TBL1XR1: variants seen among roughly 807,000 people sequenced by gnomAD.
The protein encoded by TBL1XR1 is F-box-like/WD repeat-containing protein TBL1XR1.
In TBL1XR1, 5 loss-of-function variants were observed where a neutral mutation model predicts 66.9. The observed-to-expected ratio is 0.07, with a 90% CI of 0.04 to 0.16. The LOEUF (loss-of-function observed/expected upper bound fraction) is 0.16. Ranked by LOEUF, TBL1XR1 falls within the 10% of genes least tolerant of loss-of-function variation. The probability of loss-of-function intolerance (pLI) is 1.00; values close to 1 mark genes in which losing one functional copy is unlikely to be tolerated. For synonymous variants in TBL1XR1, 210 were observed against 206.0 expected, an observed-to-expected ratio of 1.02 and a Z score of -0.17; for missense variants, 238 against 623.2, an observed-to-expected ratio of 0.38 and a Z score of 6.58.
chr3:177,187,758 G>A (rs577098138), intron 1 of TBL1XR1, among the ~76,000 whole-genome samples: 1 of 151,674 alleles, frequency 6.6e-6, no homozygotes, highest in Non-Finnish European at 1.5e-5. Flanking sequence ...AACACAAAAG[G>A]TTATCAGGAA....
Position 177,123,140 on chromosome 3 carries a change from T to C in TBL1XR1, c.-121-24599A>G, listed in dbSNP as rs559581533. On this transcript the variant is annotated intron_variant, in intron 1 of 15. Coordinates refer to ENST00000457928, the MANE Select transcript of TBL1XR1 (RefSeq NM_024665.7). The stretch of plus-strand genomic sequence containing the variant: ...ACAGCAGCAATCTTTAAGTGGTCCA[T>C]TCAAAAACAGACAAAAAGAAAATCT... Among the ~76,000 whole-genome samples, 20 of 152,234 alleles carry C rather than the reference T, an allele frequency of 1.3e-4. No individual in the cohort carries two copies. In the South Asian group the frequency reaches 3.1e-3, roughly 24 times the overall value.
intron 1 of TBL1XR1, among the ~76,000 whole-genome samples, chr3:177,155,117 C>T (rs892569952): frequency 2.6e-5 from 4 of 152,122 alleles, no homozygotes; most frequent in Admixed American, 2.6e-4. Context: ...GCTAAAGCAA[C>T]ACCTTAAGGG....
intron 2 of TBL1XR1, among the ~76,000 whole-genome samples, chr3:177,095,858 C>A (rs1158627406): frequency 6.6e-6 from 1 of 152,070 alleles, no homozygotes; most frequent in Non-Finnish European, 1.5e-5. Flanking sequence ...TGTTATGAAT[C>A]CCTCATATTA....
At chr3:177,126,305 C>T (rs1560204318) in intron 1 of TBL1XR1, among the ~76,000 whole-genome samples, 1 of 152,184 alleles carries the variant, frequency 6.6e-6, no homozygotes, top group Non-Finnish European at 1.5e-5. Context: ...AAGGATCACA[C>T]TTTGAGAACT....
chr3:177,152,248 T>C (rs979587494), intron 1 of TBL1XR1, among the ~76,000 whole-genome samples: 8 of 152,224 alleles, frequency 5.3e-5, no homozygotes, highest in African/African-American at 1.9e-4. Context: ...CTTTAGATTA[T>C]GCTTTTTACT....
chr3:177,103,316 T>C (rs1306495393), intron 1 of TBL1XR1, among the ~76,000 whole-genome samples: 1 of 152,270 alleles, frequency 6.6e-6, no homozygotes, highest in Non-Finnish European at 1.5e-5. Flanking sequence ...CTTTGTGTAC[T>C]ACATAAACTA....
chr3:177,096,793 T>C (rs905147461), intron 2 of TBL1XR1, among the ~76,000 whole-genome samples: 4 of 152,172 alleles, frequency 2.6e-5, no homozygotes, highest in African/African-American at 4.8e-5. Flanking sequence ...GCCAGAGCAA[T>C]CTAAAGACCC....
intron 2 of TBL1XR1, among the ~76,000 whole-genome samples, chr3:177,092,393 T>C (rs953899207): frequency 2.0e-5 from 3 of 151,950 alleles, no homozygotes; most frequent in Admixed American, 1.3e-4. Flanking sequence ...ACTACAGGAA[T>C]CCAATTAATA....
chr3:177,059,369 T>A (rs1364855239), intron 3 of TBL1XR1, among the ~76,000 whole-genome samples: 1 of 152,186 alleles, frequency 6.6e-6, no homozygotes. Context: ...AAAAAATGAA[T>A]GAATGAGCTA....
chr3:177,073,008 G>A (rs929869873), intron 2 of TBL1XR1, among the ~76,000 whole-genome samples: 1 of 152,088 alleles, frequency 6.6e-6, no homozygotes, highest in Non-Finnish European at 1.5e-5. Context: ...AGGTTGCAGT[G>A]AGCCAAGACA....
chr3:177,112,107 A>ATATATATATATATTTTTTTTTTT, intron 1 of TBL1XR1, among the ~76,000 whole-genome samples: 1 of 37,666 alleles, frequency 2.7e-5, no homozygotes, highest in Non-Finnish European at 4.5e-5. Context: ...ATATATATAT[A>ATATATATATATATTTTTTTTTTT]TTTTTTTTTT....
intron 14 of TBL1XR1, among the ~76,000 whole-genome samples, chr3:177,031,838 T>C (rs985738764): frequency 1.3e-4 from 20 of 151,856 alleles, no homozygotes; most frequent in African/African-American, 4.8e-4. Flanking sequence ...TAATCATTTG[T>C]TCAACTAGCA....
chr3:177,133,265 C>A (rs1728513197), intron 1 of TBL1XR1, among the ~76,000 whole-genome samples: 1 of 151,490 alleles, frequency 6.6e-6, no homozygotes, highest in Non-Finnish European at 1.5e-5. Flanking sequence ...CCAGCCTGGG[C>A]AACAAGAGCA....
intron 1 of TBL1XR1, among the ~76,000 whole-genome samples, chr3:177,143,883 A>G (rs1487062793): frequency 1.3e-5 from 2 of 152,236 alleles, no homozygotes; most frequent in African/African-American, 4.8e-5. Flanking sequence ...GTAGAAATCT[A>G]TGAAGGTCAT....
intron 2 of TBL1XR1, among the ~76,000 whole-genome samples, chr3:177,077,224 C>A (rs773289134): frequency 6.6e-6 from 1 of 152,124 alleles, no homozygotes; most frequent in South Asian, 2.1e-4. Flanking sequence ...CTAAAAAGAA[C>A]CACAAAGAAA....
chr3:177,042,149 A>G (rs929237969), intron 10 of TBL1XR1, among the ~76,000 whole-genome samples: 2 of 152,174 alleles, frequency 1.3e-5, no homozygotes, highest in African/African-American at 2.4e-5. Context: ...GTGCACTTTC[A>G]TTTTGACATT....
chr3:177,131,527 T>G (rs1577258224), intron 1 of TBL1XR1: 2 of 280,826 alleles, frequency 7.1e-6, no homozygotes, highest in African/African-American at 5.5e-5. Flanking sequence ...TTTTTTTTTT[T>G]TGAGACAGAG....
Position 177,020,977 on chromosome 3 carries a change from CTTCCTTACACAATAA to C in TBL1XR1, c.*4506_*4520del. On this transcript the variant is annotated 3_prime_UTR_variant, in exon 16 of 16. Coordinates refer to ENST00000457928, the MANE Select transcript of TBL1XR1 (RefSeq NM_024665.7). The stretch of plus-strand genomic sequence containing the variant: ...GACAGCACAGAACATCTACATCAGT[CTTCCTTACACAATAA>C]TCATGAAAACTGAACAATGAAGTTC... The C allele has an allele frequency of 6.6e-6, 1 of 152,174 alleles. No individual in the cohort carries two copies. The highest frequency in any genetic ancestry group is 1.9e-4 in the East Asian group (1 of 5,202). The allele number at this position is 152,174 out of a possible 1,614,324, so 9.4% of individuals were successfully genotyped here.
chr3:177,178,202 G>A (rs1294348971), intron 1 of TBL1XR1, among the ~76,000 whole-genome samples: 1 of 152,182 alleles, frequency 6.6e-6, no homozygotes. Flanking sequence ...AGATCGCACA[G>A]CAGAGTTTGG....
Sources: gnomAD v4.1 joint callset for allele counts (sites outside exome capture counted in the v4.1 genomes callset) on GRCh38, gnomAD v4.1.1 for gene constraint, MANE v1.5 for transcripts, NCBI Gene and HGNC (gene_info 2026-07-23, HGNC 2026-07-21) for gene names.